FUBP1: variants seen among roughly 807,000 people sequenced by gnomAD.
FUBP1 encodes the protein far upstream element binding protein 1, also known as far upstream element-binding protein 1.
In FUBP1, 16 loss-of-function variants were observed where a neutral mutation model predicts 94.9. That is an observed-to-expected ratio of 0.17 (90% CI 0.11 to 0.26). The LOEUF (loss-of-function observed/expected upper bound fraction) is 0.26, where lower values mean the gene tolerates loss of function less well. Among genes scored for constraint, FUBP1 ranks in the 10% least tolerant of loss-of-function variants. The pLI, the probability that FUBP1 is intolerant of heterozygous loss-of-function variation, is 1.00. For missense variants in FUBP1, 583 were observed against 808.6 expected (o/e 0.72, Z 3.38); for synonymous variants, 279 against 254.9 (o/e 1.09, Z -0.90).
chr1:77,949,666 A>G (rs1035516745), intron 18 of FUBP1, among the ~76,000 whole-genome samples: 1 of 152,210 alleles, frequency 6.6e-6, no homozygotes, highest in Non-Finnish European at 1.5e-5. Flanking sequence ...AAAAAAACAG[A>G]ATCAACCCCA....
In FUBP1 at chr1:77,966,925, C is replaced by T. The variant is rs1233786882; in HGVS notation, c.374G>A (p.Arg125His). Residue 125 changes from arginine (R) to histidine (H), a missense_variant, in exon 6 of 20, where the codon CGC (arginine) becomes CAC (histidine). Transcript: ENST00000370768. ...TTTGCATCCAGATTCCTGTTGTATG[C>T]GTGAGATCTGTTCACCTCCTCTGCC... ...IIGRGGEQIS[R>H]IQQESGCKIQ... is the part of the protein sequence containing the mutation. 9 of 1,605,200 alleles carry T rather than the reference C, an allele frequency of 5.6e-6. No homozygotes were observed. Among genetic ancestry groups the T allele is most frequent in the East Asian group, 4.5e-5 (2 of 44,804 alleles).
At position 77,953,914 on chromosome 1, in the gene FUBP1, A is replaced by G. The variant is rs569734695; in HGVS notation, c.1780+1341T>C. On this transcript the variant is annotated intron_variant, in intron 18 of 19. Coordinates refer to ENST00000370768, the MANE Select transcript of FUBP1 (RefSeq NM_003902.5). ...TACCTAAATCCATTAACAAGCCTTT[A>G]TTTTTACCTACTTAATAATAACTAG... 2.6e-5 allele frequency among the ~76,000 whole-genome samples: 4 copies of G among 152,258 alleles called. No homozygotes were observed. In the South Asian group the frequency reaches 8.3e-4, roughly 32 times the overall value.
In FUBP1 at chr1:77,963,656, G is replaced by T; in HGVS notation, c.1101C>A (p.Asn367Lys). 1 of 1,608,038 alleles carries T rather than the reference G, an allele frequency of 6.2e-7. No individual in the cohort carries two copies. Among genetic ancestry groups the T allele is most frequent in the Non-Finnish European group, 8.5e-7 (1 of 1,174,556 alleles). Residue 367 changes from asparagine (N) to lysine (K), a missense_variant, in exon 13 of 20, where the codon AAC becomes AAA. Physicochemically the swap from Asn to Lys is moderately conservative, Grantham distance 94. Coordinates refer to ENST00000370768, the MANE Select transcript of FUBP1 (RefSeq NM_003902.5). ...GTCCACCAGGTGGTCCCATGTTCCA[G>T]TTGCCTTGACCTCTACCTCTTCCTC... is the stretch of plus-strand genomic sequence containing the variant. ...GGRGRGRGQG[N>K]WNMGPPGGLQ...
Position 77,960,177 on chromosome 1 carries a change from C to T in FUBP1, c.1576+7G>A, listed in dbSNP as rs993041682. On this transcript the variant is annotated splice_region_variant and intron_variant, in intron 16 of 19. Coordinates refer to ENST00000370768, the MANE Select transcript of FUBP1 (RefSeq NM_003902.5). ...CAGATAACACACAAATAATAAGCATCTTCTACCTGGATCAGGAGGAGCCTG... is the reference window on the plus strand; with the variant it reads ...CAGATAACACACAAATAATAAGCATTTTCTACCTGGATCAGGAGGAGCCTG... 6.3e-7 allele frequency: 1 copy of T among 1,588,254 alleles called. No individual in the cohort carries two copies. The highest frequency in any genetic ancestry group is 1.3e-5 in the African/African-American group (1 of 74,100).
intron 8 of FUBP1, 22 bp from the exon 9 acceptor site, chr1:77,964,990 T>C (rs754058040): frequency 3.8e-6 from 6 of 1,597,170 alleles, no homozygotes; most frequent in East Asian, 2.2e-5. Context: ...ATAGAAATAA[T>C]ATATATTAAC....
At chr1:77,948,870 T>A in intron 19 of FUBP1, 96 bp from the exon 20 acceptor site, 1 of 1,541,382 alleles carries the variant, frequency 6.5e-7, no homozygotes, top group Non-Finnish European at 8.9e-7. Flanking sequence ...AAAGAAAAAG[T>A]GGTTAATATA....
At position 77,947,891 on chromosome 1, in the gene FUBP1, A is replaced by AG; in HGVS notation, c.*874dup. On this transcript the variant is annotated 3_prime_UTR_variant, in exon 20 of 20. Coordinates refer to ENST00000370768, the MANE Select transcript of FUBP1 (RefSeq NM_003902.5). ...TCACTTTTCTATCCTAAATTTAGAAAGAAACACACTAACATTATATACATT... is the reference window on the plus strand; with the variant it reads ...TCACTTTTCTATCCTAAATTTAGAAAGGAAACACACTAACATTATATACATT... 9.3e-7 allele frequency: 1 copy of AG among 1,070,098 alleles called. No individual in the cohort carries two copies. The allele number at this position is 1,070,098 out of a possible 1,614,324, so 66.3% of individuals were successfully genotyped here.
chr1:77,962,132 G>A (rs752287530), intron 14 of FUBP1, among the ~76,000 whole-genome samples: 1 of 152,164 alleles, frequency 6.6e-6, no homozygotes, highest in Admixed American at 6.5e-5. Flanking sequence ...CAGTCAAAGC[G>A]TTTCATACTT....
rs563237953 is a variant in FUBP1, at chr1:77,968,719, A to G, written c.212-516T>C. Among the ~76,000 whole-genome samples, 3 of 152,230 alleles carry G rather than the reference A, an allele frequency of 2.0e-5. No homozygotes were observed. The South Asian group carries it at 6.2e-4, about 32-fold the overall frequency. On this transcript the variant is annotated intron_variant, in intron 2 of 19. Coordinates refer to ENST00000370768, the MANE Select transcript of FUBP1 (RefSeq NM_003902.5). ...CTAAACTGTTCTATTATTTATAAAC[A>G]AACATTTCACTGCATAAAACTTTAG...
intron 16 of FUBP1, among the ~76,000 whole-genome samples, chr1:77,958,465 C>T (rs1377685693): frequency 2.6e-5 from 4 of 152,116 alleles, no homozygotes; most frequent in Admixed American, 1.3e-4. Flanking sequence ...TTTAAAGAAA[C>T]ATTTTAGTTC....
intron 19 of FUBP1, 70 bp downstream of exon 19, chr1:77,949,085 A>G (rs527435651): frequency 2.8e-6 from 4 of 1,415,662 alleles, no homozygotes; most frequent in Admixed American, 3.5e-5. Flanking sequence ...AACACTCCCA[A>G]ACAGACAAAC....
Position 77,966,877 on chromosome 1 carries a change from A to G in FUBP1, c.415+7T>C. ...ACACTGAAAATACCATGAGAATGTA[A>G]CATTACCAGGAGCTATCTGTATTTT... On this transcript the variant is annotated splice_region_variant and intron_variant, in intron 6 of 19. Coordinates refer to ENST00000370768, the MANE Select transcript of FUBP1 (RefSeq NM_003902.5). 2.6e-6 allele frequency: 4 copies of G among 1,551,914 alleles called. No homozygotes were observed. Among genetic ancestry groups the G allele is most frequent in the Non-Finnish European group, 3.6e-6 (4 of 1,124,072 alleles).
intron 4 of FUBP1, 90 bp from the exon 5 acceptor site, chr1:77,967,191 A>G (rs1463862000): frequency 3.8e-6 from 3 of 780,064 alleles, no homozygotes; most frequent in African/African-American, 1.8e-5. Flanking sequence ...ATGGAAGTCT[A>G]ATGTCTCCCA....
upstream of FUBP1, chr1:77,979,337 G>GCCTGACACGTAAATCCCGC: frequency 3.5e-6 from 1 of 287,200 alleles, no homozygotes. Flanking sequence ...GGTGATAGTG[G>GCCTGACACGTAAATCCCGC]CCAGTTGACT....
intron 18 of FUBP1, among the ~76,000 whole-genome samples, chr1:77,954,180 C>T (rs538847331): frequency 8.5e-5 from 13 of 152,326 alleles, no homozygotes; most frequent in African/African-American, 2.9e-4. Flanking sequence ...AAGTTGATTA[C>T]AGGTCCTGAC....
chr1:77,956,544 T>C, intron 17 of FUBP1, 28 bp downstream of exon 17: 1 of 1,580,700 alleles, frequency 6.3e-7, no homozygotes, highest in Non-Finnish European at 8.7e-7. Flanking sequence ...AACTTTTGGC[T>C]TTCACATACA....
chr1:77,955,499 G>A (rs950913492), intron 17 of FUBP1, 170 bp from the exon 18 acceptor site: 1 of 572,944 alleles, frequency 1.7e-6, no homozygotes, highest in Non-Finnish European at 3.1e-6. Flanking sequence ...AGAAGGTACT[G>A]GGGGTACAGA....
chr1:77,972,004 C>CAAA (rs60606700), intron 1 of FUBP1, among the ~76,000 whole-genome samples: 3 of 84,134 alleles, frequency 3.6e-5, no homozygotes, highest in African/African-American at 1.1e-4. Context: ...GACTCTGTCT[C>CAAA]AAAAAAAAAA....
Position 77,966,959 on chromosome 1 carries a change from G to T in FUBP1, c.344-4C>A, listed in dbSNP as rs1014848168. ...TGTTCACCTCCTCTGCCAATTACTA[G>T]TTAGAAAAAAAAAAATTTTTTTTTT... On this transcript the variant is annotated splice_region_variant and splice_polypyrimidine_tract_variant and intron_variant, in intron 5 of 19. Transcript: ENST00000370768. The T allele has an allele frequency of 2.8e-5, 44 of 1,588,586 alleles. No individual in the cohort carries two copies. The highest frequency in any genetic ancestry group is 3.7e-5 in the Non-Finnish European group (43 of 1,161,550).
Sources: allele counts gnomAD v4.1 joint callset (sites outside exome capture counted in the v4.1 genomes callset), GRCh38; gene constraint gnomAD v4.1.1; transcripts MANE v1.5; gene names NCBI Gene and HGNC (gene_info 2026-07-23, HGNC 2026-07-21).